FLYWCH1: variants seen among roughly 807,000 people sequenced by gnomAD.
FLYWCH1 encodes the protein FLYWCH-type zinc finger 1.
In FLYWCH1, 75 loss-of-function variants were observed where a neutral mutation model predicts 66.4. That is an observed-to-expected ratio of 1.13 (90% CI 0.94 to 1.37). FLYWCH1 has a LOEUF of 1.37. Ranked by LOEUF, FLYWCH1 falls within the 40% of genes most tolerant of loss-of-function variation. The probability of loss-of-function intolerance (pLI) is 0.00; values close to 1 mark genes in which losing one functional copy is unlikely to be tolerated. For synonymous variants in FLYWCH1, 595 were observed against 429.9 expected (o/e 1.38, Z -4.75); for missense variants, 1,334 against 1,001.8 (o/e 1.33, Z -4.48).
chr16:2,934,488 G>A (rs891716135), intron 6 of FLYWCH1: 7 of 363,668 alleles, frequency 1.9e-5, no homozygotes, highest in East Asian at 7.8e-5. Context: ...CCACACGGTC[G>A]GCCCCCCGCA....
chr16:2,921,123 G>A (rs2070359811), intron 2 of FLYWCH1, among the ~76,000 whole-genome samples: 1 of 152,202 alleles, frequency 6.6e-6, no homozygotes, highest in African/African-American at 2.4e-5. Flanking sequence ...TTACAGGCGT[G>A]AGCCACCATT....
At chr16:2,922,730 C>T (rs2070418389) in intron 2 of FLYWCH1, 1 of 503,190 alleles carries the variant, frequency 2.0e-6, no homozygotes, top group Admixed American at 2.0e-5. Context: ...GTGCCTTCTT[C>T]TCTCCATCAG....
rs917235735 is a variant in FLYWCH1, at chr16:2,930,407, C to T, written c.326-3C>T. 2.8e-6 allele frequency: 4 copies of T among 1,447,696 alleles called. No homozygotes were observed. Among genetic ancestry groups the T allele is most frequent in the African/African-American group, 2.9e-5 (2 of 69,234 alleles). 89.7% of individuals were successfully genotyped at this position (1,447,696 alleles called of 1,614,324 possible). On this transcript the variant is annotated splice_polypyrimidine_tract_variant and splice_region_variant and intron_variant, in intron 3 of 9. Transcript: ENST00000253928. ...AGCTAACCTAGCCTTCCCGTTCCCC[C>T]AGCAGCCCCTCAGTCCCTGGAGTTC...
rs754781121 is a variant in FLYWCH1 at position 2,937,225 on chromosome 16, T to G, written c.1618T>G (p.Cys540Gly). The change falls in exon 7 of 10, where the codon TGC becomes GGC. Residue 540 changes from cysteine to glycine, a missense_variant. Cys to Gly is a radical substitution (Grantham distance 159). Coordinates refer to ENST00000253928, the MANE Select transcript of FLYWCH1 (RefSeq NM_001308068.2). ...KAAGEKVYWT[C>G]RDQARMGCRS... ...GGCCGGGGAGAAGGTGTATTGGACCTGCCGGGACCAGGCCCGCATGGGCTG... is the reference window on the plus strand; with the variant it reads ...GGCCGGGGAGAAGGTGTATTGGACCGGCCGGGACCAGGCCCGCATGGGCTG... 1.9e-5 allele frequency: 31 copies of G among 1,605,182 alleles called. No individual in the cohort carries two copies. Among genetic ancestry groups the G allele is most frequent in the Admixed American group, 1.7e-5 (1 of 58,810 alleles).
intron 2 of FLYWCH1, among the ~76,000 whole-genome samples, chr16:2,924,759 T>C (rs886700253): frequency 9.2e-5 from 14 of 152,172 alleles, no homozygotes; most frequent in Non-Finnish European, 1.9e-4. Context: ...TGGGTCAGCA[T>C]CTACCATCCA....
intron 2 of FLYWCH1, among the ~76,000 whole-genome samples, chr16:2,919,671 A>C (rs958000366): frequency 6.6e-6 from 1 of 152,190 alleles, no homozygotes; most frequent in African/African-American, 2.4e-5. Flanking sequence ...CTGGGACTAC[A>C]CATACGCACC....
At position 2,937,640 on chromosome 16, in the gene FLYWCH1, T is replaced by C. The variant is rs1188187953; in HGVS notation, c.1777+256T>C. On this transcript the variant is annotated intron_variant, in intron 7 of 9. Coordinates refer to ENST00000253928, the MANE Select transcript of FLYWCH1 (RefSeq NM_001308068.2). ...AGAGGAAGAGGATGGTGGCCAGGGGTGGCATTGGCAGCCACAGAGAGTGCT... is the reference window on the plus strand; with the variant it reads ...AGAGGAAGAGGATGGTGGCCAGGGGCGGCATTGGCAGCCACAGAGAGTGCT... Among the ~76,000 whole-genome samples the C allele has an allele frequency of 4.6e-5, 7 of 151,846 alleles. No homozygotes were observed. In the East Asian group the frequency reaches 1.2e-3, roughly 25 times the overall value.
At chr16:2,943,286 C>G (rs2071346889) in intron 9 of FLYWCH1, 1 of 151,974 alleles carries the variant, frequency 6.6e-6, no homozygotes, top group South Asian at 2.1e-4. Flanking sequence ...GCACATTCTG[C>G]GGGAGGGGAC....
chr16:2,915,987 C>A (rs964770152), intron 2 of FLYWCH1, among the ~76,000 whole-genome samples: 7 of 152,076 alleles, frequency 4.6e-5, no homozygotes, highest in African/African-American at 1.7e-4. Context: ...AGTACTGATT[C>A]ACCAGATAAG....
intron 9 of FLYWCH1, among the ~76,000 whole-genome samples, chr16:2,940,968 T>G (rs1244084861): frequency 1.3e-5 from 2 of 152,094 alleles, no homozygotes. Context: ...CCATCTCTAC[T>G]AAAAATACAA....
intron 6 of FLYWCH1, chr16:2,935,617 G>C (rs1271032021): frequency 6.6e-6 from 1 of 152,268 alleles, no homozygotes; most frequent in South Asian, 2.1e-4. Context: ...AATGTCTGTC[G>C]CTTCCCTCCG....
intron 2 of FLYWCH1, among the ~76,000 whole-genome samples, chr16:2,918,445 CTT>C (rs879793184): frequency 7.3e-6 from 1 of 137,016 alleles, no homozygotes; most frequent in Non-Finnish European, 1.6e-5. Context: ...CCGCGCCAGG[CTT>C]TTTTTTTTTT....
At position 2,929,682 on chromosome 16, in the gene FLYWCH1, C is replaced by T. The variant is rs374917617; in HGVS notation, c.-4C>T. The T allele has an allele frequency of 6.7e-5, 108 of 1,607,948 alleles. 1 individual carries two copies. The African/African-American group carries it at 7.9e-4, about 12-fold the overall frequency. Reference sequence around the variant, plus strand: ...GGCCTGAGGGACAGGCCCTGGGTCCCGGGATGCCCCTGCCCGAGCCCAGCG... The same window carrying T: ...GGCCTGAGGGACAGGCCCTGGGTCCTGGGATGCCCCTGCCCGAGCCCAGCG... On this transcript the variant is annotated 5_prime_UTR_variant, in exon 3 of 10. Coordinates refer to ENST00000253928, the MANE Select transcript of FLYWCH1 (RefSeq NM_001308068.2).
intron 9 of FLYWCH1, among the ~76,000 whole-genome samples, chr16:2,943,939 C>CA (rs907617262): frequency 3.3e-5 from 5 of 151,826 alleles, no homozygotes; most frequent in African/African-American, 7.3e-5. Context: ...CCCGTCTCTA[C>CA]AAAAAAATTT....
chr16:2,928,613 C>T (rs2070652319), intron 2 of FLYWCH1, among the ~76,000 whole-genome samples: 1 of 152,342 alleles, frequency 6.6e-6, no homozygotes, highest in Admixed American at 6.5e-5. Flanking sequence ...AGATTAACAG[C>T]ATCACAAAGC....
At chr16:2,946,958 T>G (rs757980649) in intron 9 of FLYWCH1, among the ~76,000 whole-genome samples, 6 of 152,136 alleles carry the variant, frequency 3.9e-5, no homozygotes, top group Non-Finnish European at 7.4e-5. Context: ...ATGTTCAACA[T>G]AGAGGTACCC....
intron 2 of FLYWCH1, among the ~76,000 whole-genome samples, chr16:2,926,674 A>G (rs1206096204): frequency 3.3e-5 from 5 of 152,228 alleles, no homozygotes; most frequent in Non-Finnish European, 5.9e-5. Flanking sequence ...TCCAAAATCT[A>G]TTACAGATGA....
chr16:2,925,626 C>T (rs897282213), intron 2 of FLYWCH1, among the ~76,000 whole-genome samples: 1 of 151,136 alleles, frequency 6.6e-6, no homozygotes, highest in African/African-American at 2.4e-5. Flanking sequence ...TGCCTGGAGC[C>T]GCTCTGCTCG....
chr16:2,913,527 C>T (rs757164), intron 1 of FLYWCH1, among the ~76,000 whole-genome samples: 63,650 of 151,928 alleles, frequency 0.42, 14,208 homozygotes, highest in Non-Finnish European at 0.5. Context: ...GTGGTCACAA[C>T]GTGTGGTAGG....
Sources: gnomAD v4.1 joint callset for allele counts (sites outside exome capture counted in the v4.1 genomes callset) on GRCh38, gnomAD v4.1.1 for gene constraint, MANE v1.5 for transcripts, NCBI Gene and HGNC (gene_info 2026-07-23, HGNC 2026-07-21) for gene names.